LSAMP: variants seen among roughly 807,000 people sequenced by gnomAD.
LSAMP encodes the protein limbic system-associated membrane protein.
LSAMP carries 7 observed loss-of-function variants against 38.6 expected under a neutral mutation model. The observed-to-expected ratio is 0.18, with a 90% CI of 0.10 to 0.34. LSAMP has a LOEUF of 0.34. LSAMP is among the 10% of genes least tolerant of loss of function. The pLI, the probability that LSAMP is intolerant of heterozygous loss-of-function variation, is 1.00. For synonymous variants in LSAMP, 154 were observed against 166.8 expected (o/e 0.92, Z 0.59); for missense variants, 313 against 420.0 (o/e 0.75, Z 2.23).
chr3:116,031,877 A>G (rs1268381980), intron 2 of LSAMP, among the ~76,000 whole-genome samples: 2 of 152,046 alleles, frequency 1.3e-5, no homozygotes, highest in African/African-American at 2.4e-5. Flanking sequence ...TAGAGTTACC[A>G]TTGTGAATTA....
At chr3:116,341,296 G>A (rs2047992216) in intron 1 of LSAMP, among the ~76,000 whole-genome samples, 1 of 151,824 alleles carries the variant, frequency 6.6e-6, no homozygotes, top group African/African-American at 2.4e-5. Flanking sequence ...TGTTGTTGTT[G>A]GTGGTGGTGG....
intron 1 of LSAMP, among the ~76,000 whole-genome samples, chr3:116,373,539 C>A (rs187076461): frequency 4.0e-5 from 6 of 151,668 alleles, no homozygotes; most frequent in Non-Finnish European, 5.9e-5. Flanking sequence ...GCACTAAATG[C>A]CAGCAAACTG....
intron 2 of LSAMP, among the ~76,000 whole-genome samples, chr3:116,071,754 G>T (rs1707610884): frequency 1.3e-5 from 2 of 152,006 alleles, no homozygotes; most frequent in Non-Finnish European, 2.9e-5. Flanking sequence ...CCTTCTCCCT[G>T]ACCCCAACTA....
intron 3 of LSAMP, among the ~76,000 whole-genome samples, chr3:115,955,996 A>G (rs982076043): frequency 1.3e-5 from 2 of 152,162 alleles, no homozygotes; most frequent in Admixed American, 1.3e-4. Context: ...TGCCAAGGAT[A>G]AAAACTTTAA....
chr3:116,065,124 A>C (rs1447413060), intron 2 of LSAMP, among the ~76,000 whole-genome samples: 1 of 152,240 alleles, frequency 6.6e-6, no homozygotes, highest in African/African-American at 2.4e-5. Flanking sequence ...TCCCAAAAAA[A>C]GTCTCCTGTA....
intron 3 of LSAMP, among the ~76,000 whole-genome samples, chr3:115,920,737 G>C (rs207463559): frequency 6.6e-6 from 1 of 151,866 alleles, no homozygotes; most frequent in Non-Finnish European, 1.5e-5. Flanking sequence ...CAAATCCTCT[G>C]TTTTCTTATT....
chr3:116,413,001 G>A (rs1374198790), intron 1 of LSAMP, among the ~76,000 whole-genome samples: 1 of 152,000 alleles, frequency 6.6e-6, no homozygotes, highest in Non-Finnish European at 1.5e-5. Flanking sequence ...TTCTCAAAAT[G>A]TGGTTTCTTA....
intron 1 of LSAMP, among the ~76,000 whole-genome samples, chr3:116,240,801 A>G (rs1345144776): frequency 6.6e-6 from 1 of 152,256 alleles, no homozygotes; most frequent in East Asian, 1.9e-4. Context: ...GAGAGCTGAT[A>G]AAACAAATAA....
chr3:116,124,859 C>T (rs953394089), intron 1 of LSAMP, among the ~76,000 whole-genome samples: 8 of 152,112 alleles, frequency 5.3e-5, no homozygotes, highest in Admixed American at 5.2e-4. Flanking sequence ...TTTACACATG[C>T]AAAGGGTATT....
intron 1 of LSAMP, among the ~76,000 whole-genome samples, chr3:116,235,558 A>G (rs2046454596): frequency 6.6e-6 from 1 of 152,220 alleles, no homozygotes; most frequent in African/African-American, 2.4e-5. Context: ...TGAATCTCCA[A>G]AACTGTTTTA....
intron 1 of LSAMP, among the ~76,000 whole-genome samples, chr3:116,154,442 A>C (rs1709692434): frequency 6.6e-6 from 1 of 152,128 alleles, no homozygotes; most frequent in African/African-American, 2.4e-5. Context: ...CCACAATAAG[A>C]TACAATAACG....
chr3:116,086,645 A>G (rs1255781077), intron 1 of LSAMP, 89 bp from the exon 2 acceptor site: 1 of 960,536 alleles, frequency 1.0e-6, no homozygotes, highest in East Asian at 2.5e-5. Context: ...AAGTCTAAAC[A>G]AGGAAAATAA....
At chr3:116,150,505 T>C (rs958882563) in intron 1 of LSAMP, among the ~76,000 whole-genome samples, 2 of 152,032 alleles carry the variant, frequency 1.3e-5, no homozygotes, top group Admixed American at 6.6e-5. Flanking sequence ...CATTCAAATA[T>C]CAACTACACA....
chr3:116,341,758 C>T (rs181097923), intron 1 of LSAMP, among the ~76,000 whole-genome samples: 1 of 152,116 alleles, frequency 6.6e-6, no homozygotes, highest in Non-Finnish European at 1.5e-5. Context: ...AGAGAAATGA[C>T]TCCCGCCTTC....
Position 116,230,088 on chromosome 3 carries a change from T to C in LSAMP, c.156-143532A>G, listed in dbSNP as rs74852545. ...TGAGGCAGAAACAGGGGTCCACTTG[T>C]TTTATGAGCTGTCTCTAAAGTGGCA... is the stretch of plus-strand genomic sequence containing the variant. On this transcript the variant is annotated intron_variant, in intron 1 of 6. Transcript: ENST00000490035. Among the ~76,000 whole-genome samples, 248 of 152,324 alleles carry C rather than the reference T, an allele frequency of 1.6e-3. 2 individuals carry two copies. The highest frequency in any genetic ancestry group is 5.7e-3 in the African/African-American group (236 of 41,588).
intron 2 of LSAMP, among the ~76,000 whole-genome samples, chr3:116,055,508 G>A (rs547326652): frequency 6.6e-6 from 1 of 152,214 alleles, no homozygotes; most frequent in East Asian, 1.9e-4. Context: ...AAGACTTGAA[G>A]GGTTAGGTCC....
chr3:116,367,090 C>A (rs1407483120), intron 1 of LSAMP, among the ~76,000 whole-genome samples: 1 of 152,094 alleles, frequency 6.6e-6, no homozygotes, highest in Non-Finnish European at 1.5e-5. Flanking sequence ...ACAAACCATT[C>A]CATAACGATC....
intron 3 of LSAMP, among the ~76,000 whole-genome samples, chr3:115,947,596 C>A (rs886813405): frequency 6.6e-6 from 1 of 152,108 alleles, no homozygotes; most frequent in South Asian, 2.1e-4. Context: ...TGTAGTAACA[C>A]CAGCATGCTC....
intron 1 of LSAMP, among the ~76,000 whole-genome samples, chr3:116,296,637 GT>G (rs1179581549): frequency 7.3e-6 from 1 of 136,506 alleles, no homozygotes; most frequent in Non-Finnish European, 1.5e-5. Context: ...AGAGCTTGCA[GT>G]GAGCCCAGAT....
Sources: allele counts gnomAD v4.1 joint callset (sites outside exome capture counted in the v4.1 genomes callset), GRCh38; gene constraint gnomAD v4.1.1; transcripts MANE v1.5; gene names NCBI Gene and HGNC (gene_info 2026-07-23, HGNC 2026-07-21).